ARHGAP15: variants seen among roughly 807,000 people sequenced by gnomAD.
The protein encoded by ARHGAP15 is rho GTPase-activating protein 15.
ARHGAP15 carries 51 observed loss-of-function variants against 63.7 expected under a neutral mutation model. The ratio of observed to expected loss-of-function variants is 0.80; its 90% CI spans 0.64 to 1.01. ARHGAP15 has a LOEUF of 1.01. Among genes scored for constraint, ARHGAP15 ranks in the 50% least tolerant of loss-of-function variants. The probability of loss-of-function intolerance (pLI) is 0.00; values close to 1 mark genes in which losing one functional copy is unlikely to be tolerated. For synonymous variants in ARHGAP15, 191 were observed against 193.8 expected (o/e 0.99, Z 0.12); for missense variants, 560 against 564.6 (o/e 0.99, Z 0.08).
Position 143,327,325 on chromosome 2 carries a change from A to G in ARHGAP15, c.474+76725A>G, listed in dbSNP as rs188459465. 2.6e-5 allele frequency among the ~76,000 whole-genome samples: 4 copies of G among 152,348 alleles called. No homozygotes were observed. The East Asian group carries it at 7.7e-4, about 29-fold the overall frequency. On this transcript the variant is annotated intron_variant, in intron 6 of 13. Coordinates refer to ENST00000295095, the MANE Select transcript of ARHGAP15 (RefSeq NM_018460.4). ...TCGTGAAAATTGCTGTACGGCCCAAAGTAATTTATGGATTCAATGCTATTC... is the reference window on the plus strand; with the variant it reads ...TCGTGAAAATTGCTGTACGGCCCAAGGTAATTTATGGATTCAATGCTATTC...
chr2:143,508,392 T>C (rs1413722861), intron 9 of ARHGAP15, among the ~76,000 whole-genome samples: 1 of 152,202 alleles, frequency 6.6e-6, no homozygotes, highest in East Asian at 1.9e-4. Context: ...TCCATAGCGC[T>C]TATCACCATC....
intron 3 of ARHGAP15, among the ~76,000 whole-genome samples, chr2:143,207,057 T>G (rs1042722997): frequency 5.9e-5 from 9 of 151,552 alleles, no homozygotes; most frequent in Admixed American, 2.6e-4. Context: ...TTTAAAAAAT[T>G]AATTTTTATA....
chr2:143,550,622 A>AT (rs1695516694), intron 10 of ARHGAP15, among the ~76,000 whole-genome samples: 2 of 152,236 alleles, frequency 1.3e-5, no homozygotes, highest in Admixed American at 1.3e-4. Context: ...TTTGGACAGC[A>AT]AAGACATAGA....
chr2:143,375,166 T>C (rs1686748017), intron 6 of ARHGAP15, among the ~76,000 whole-genome samples: 1 of 152,132 alleles, frequency 6.6e-6, no homozygotes, highest in Admixed American at 6.6e-5. Flanking sequence ...AAAAAGCAAA[T>C]GTTTATTTAA....
chr2:143,679,436 T>C (rs1471946461), intron 12 of ARHGAP15, among the ~76,000 whole-genome samples: 1 of 152,224 alleles, frequency 6.6e-6, no homozygotes, highest in Non-Finnish European at 1.5e-5. Flanking sequence ...GTTTATTAGC[T>C]CTGTTGATTT....
intron 8 of ARHGAP15, among the ~76,000 whole-genome samples, chr2:143,450,874 A>C (rs1251693628): frequency 6.6e-6 from 1 of 151,892 alleles, no homozygotes; most frequent in Non-Finnish European, 1.5e-5. Flanking sequence ...TCTTGTAACC[A>C]CTTCTCATCT....
chr2:143,695,360 A>G (rs1358353012), intron 12 of ARHGAP15, among the ~76,000 whole-genome samples: 2 of 152,194 alleles, frequency 1.3e-5, no homozygotes, highest in East Asian at 3.9e-4. Flanking sequence ...TTTGAAGAGC[A>G]AGAAATTCTA....
At chr2:143,599,567 T>A (rs1697681104) in intron 11 of ARHGAP15, among the ~76,000 whole-genome samples, 1 of 151,908 alleles carries the variant, frequency 6.6e-6, no homozygotes, top group Non-Finnish European at 1.5e-5. Flanking sequence ...TAATGGTAAC[T>A]AAAACACAAC....
At position 143,768,216 on chromosome 2, in the gene ARHGAP15, C is replaced by T. The variant is rs1381036581; in HGVS notation, c.*44C>T. ...GAATACGTTCACATCTGTCTTGATG[C>T]CTAATATTTTTACATTTCTGTAAAC... On this transcript the variant is annotated 3_prime_UTR_variant, in exon 14 of 14. Transcript: ENST00000295095. 6.8e-7 allele frequency: 1 copy of T among 1,471,550 alleles called. No homozygotes were observed. Among genetic ancestry groups the T allele is most frequent in the East Asian group, 2.5e-5 (1 of 40,472 alleles). The allele number at this position is 1,471,550 out of a possible 1,614,324, so 91.2% of individuals were successfully genotyped here.
intron 12 of ARHGAP15, among the ~76,000 whole-genome samples, chr2:143,665,959 G>C (rs1470329808): frequency 6.8e-6 from 1 of 146,280 alleles, no homozygotes; most frequent in South Asian, 2.3e-4. Context: ...CTCATGGGTA[G>C]GAAGAATCAA....
At chr2:143,731,697 G>T (rs573595431) in intron 13 of ARHGAP15, among the ~76,000 whole-genome samples, 1 of 152,176 alleles carries the variant, frequency 6.6e-6, no homozygotes, top group Non-Finnish European at 1.5e-5. Context: ...TTTGATGCTT[G>T]CATATAGCAT....
chr2:143,571,009 T>C (rs557476835), intron 11 of ARHGAP15, among the ~76,000 whole-genome samples: 1 of 152,242 alleles, frequency 6.6e-6, no homozygotes, highest in African/African-American at 2.4e-5. Context: ...CCCCCTGAGC[T>C]CCACCTCTTG....
chr2:143,630,812 AT>A (rs1268362754), intron 12 of ARHGAP15, among the ~76,000 whole-genome samples: 1 of 151,856 alleles, frequency 6.6e-6, no homozygotes, highest in Non-Finnish European at 1.5e-5. Flanking sequence ...ATAATTGAGG[AT>A]TTTTTTCTAG....
At chr2:143,737,571 C>T (rs375479072) in intron 13 of ARHGAP15, among the ~76,000 whole-genome samples, 10 of 152,066 alleles carry the variant, frequency 6.6e-5, no homozygotes, top group African/African-American at 2.2e-4. Context: ...ATGTCTCGCA[C>T]GTGAAAATGA....
At position 143,602,941 on chromosome 2, in the gene ARHGAP15, A is replaced by G. The variant is rs151040388; in HGVS notation, c.1004-21192A>G. On this transcript the variant is annotated intron_variant, in intron 11 of 13. Transcript: ENST00000295095. ...AAGGTGGCCCGATCAATTATTTTTA[A>G]GCCTGACCAAATAGGCGTACTCTAA... 2.1e-3 allele frequency among the ~76,000 whole-genome samples: 314 copies of G among 152,290 alleles called. 1 individual carries two copies. The highest frequency in any genetic ancestry group is 6.8e-3 in the African/African-American group (281 of 41,570).
chr2:143,737,421 A>C (rs1052793353), intron 13 of ARHGAP15, among the ~76,000 whole-genome samples: 1 of 152,218 alleles, frequency 6.6e-6, no homozygotes, highest in Non-Finnish European at 1.5e-5. Flanking sequence ...AGTCATAACC[A>C]TGTATTGGGC....
At chr2:143,360,989 G>A (rs1308929370) in intron 6 of ARHGAP15, among the ~76,000 whole-genome samples, 1 of 151,760 alleles carries the variant, frequency 6.6e-6, no homozygotes, top group Non-Finnish European at 1.5e-5. Flanking sequence ...GTAGATCTCT[G>A]AACAAAATTT....
At chr2:143,572,167 T>C (rs1484975273) in intron 11 of ARHGAP15, 1 of 152,314 alleles carries the variant, frequency 6.6e-6, no homozygotes, top group Non-Finnish European at 1.5e-5. Flanking sequence ...GCCATCTGCA[T>C]TGTAGGCTTT....
chr2:143,603,393 T>C (rs866801012), intron 11 of ARHGAP15, among the ~76,000 whole-genome samples: 6 of 152,222 alleles, frequency 3.9e-5, no homozygotes, highest in Non-Finnish European at 7.3e-5. Context: ...GGGAAGGCAA[T>C]GGAGTAACCT....
Sources: gnomAD v4.1 joint callset for allele counts (sites outside exome capture counted in the v4.1 genomes callset) on GRCh38, gnomAD v4.1.1 for gene constraint, MANE v1.5 for transcripts, NCBI Gene and HGNC (gene_info 2026-07-23, HGNC 2026-07-21) for gene names.